Variants in KIF26A observed in about 807,000 individuals in gnomAD.
The protein encoded by KIF26A is kinesin family member 26A, also known as kinesin-like protein KIF26A.
A neutral mutation model predicts 126.0 loss-of-function variants in KIF26A; 74 were observed. The ratio of observed to expected loss-of-function variants is 0.59; its 90% CI spans 0.49 to 0.71. The LOEUF is 0.71. Ranked by LOEUF, KIF26A falls within the 30% of genes least tolerant of loss-of-function variation. The pLI is 0.00. For synonymous variants in KIF26A, 1,445 were observed against 1,232.7 expected, an observed-to-expected ratio of 1.17 and a Z score of -3.61; for missense variants, 2,984 against 2,763.3, an observed-to-expected ratio of 1.08 and a Z score of -1.79.
In KIF26A at chr14:104,179,251, A is replaced by C; in HGVS notation, c.5332A>C (p.Ser1778Arg). Reference sequence around the variant, plus strand: ...TGCCTCCCAGGGTCTGGCGTGCGTCAGTACAAGGCTGCGGCTGGCGGAGCG... The same window carrying C: ...TGCCTCCCAGGGTCTGGCGTGCGTCCGTACAAGGCTGCGGCTGGCGGAGCG... ...EAPTQGLACV[S>R]TRLRLAERRQ... is the part of the protein sequence containing the mutation. The change falls in exon 14 of 15, where the codon AGT (serine) becomes CGT (arginine). Residue 1778 changes from serine (S) to arginine (R), a missense_variant. Physicochemically the swap from Ser to Arg is moderately radical, Grantham distance 110. Transcript: ENST00000423312. 6.6e-7 allele frequency: 1 copy of C among 1,507,514 alleles called. No homozygotes were observed. The highest frequency in any genetic ancestry group is 8.8e-7 in the Non-Finnish European group (1 of 1,133,208). The allele number at this position is 1,507,514 out of a possible 1,614,324, so 93.4% of individuals were successfully genotyped here. A position where few individuals can be genotyped will look rare whatever the true frequency, so the allele number is the denominator to read the frequency against.
At chr14:104,140,260 A>G (rs925063741) in intron 2 of KIF26A, among the ~76,000 whole-genome samples, 1 of 152,014 alleles carries the variant, frequency 6.6e-6, no homozygotes, top group African/African-American at 2.4e-5. Context: ...GGCGAGGGAT[A>G]GGATTGCTGT....
At chr14:104,163,059 A>C (rs944289530) in intron 4 of KIF26A, among the ~76,000 whole-genome samples, 1 of 152,134 alleles carries the variant, frequency 6.6e-6, no homozygotes, top group African/African-American at 2.4e-5. Context: ...CCTTGCAGGC[A>C]GCTGGCGGGA....
chr14:104,157,688 C>T lies in KIF26A; in HGVS notation c.736-67C>T, dbSNP rs552460242. On this transcript the variant is annotated intron_variant, in intron 3 of 14. Coordinates refer to ENST00000423312, the MANE Select transcript of KIF26A (RefSeq NM_015656.2). ...GTGCCCAGGCCTGTCTCTCCCACTC[C>T]GGGTGCCAGGGGGCAGTGGTGTCTC... The T allele has an allele frequency of 6.1e-4, 919 of 1,510,756 alleles. 1 individual carries two copies. In the Middle Eastern group the frequency reaches 8.4e-3, roughly 14 times the overall value. 93.6% of individuals were successfully genotyped at this position (1,510,756 alleles called of 1,614,324 possible). A position where few individuals can be genotyped will look rare whatever the true frequency, so the allele number is the denominator to read the frequency against.
chr14:104,166,247 G>A (rs1340802442), intron 4 of KIF26A, among the ~76,000 whole-genome samples: 1 of 152,142 alleles, frequency 6.6e-6, no homozygotes, highest in Non-Finnish European at 1.5e-5. Flanking sequence ...AAGGGGCAAG[G>A]CAGCCTCACC....
At chr14:104,147,738 G>A (rs891680419) in intron 2 of KIF26A, among the ~76,000 whole-genome samples, 9 of 152,254 alleles carry the variant, frequency 5.9e-5, no homozygotes, top group African/African-American at 2.2e-4. Flanking sequence ...GGCTGCTCGG[G>A]GTTGCAGCCC....
chr14:104,178,805 C>T (rs544128660), intron 13 of KIF26A, 50 bp downstream of exon 13: 208 of 1,103,158 alleles, frequency 1.9e-4, no homozygotes, highest in South Asian at 9.7e-4. Context: ...GGGAGCCTGC[C>T]GCGGATGGCA....
chr14:104,160,716 T>C (rs765978580), intron 4 of KIF26A, among the ~76,000 whole-genome samples: 1 of 152,206 alleles, frequency 6.6e-6, no homozygotes, highest in Non-Finnish European at 1.5e-5. Flanking sequence ...GAGGCCCCGC[T>C]GGTTTGTGCC....
At chr14:104,141,853 C>A (rs1566853259) in intron 2 of KIF26A, among the ~76,000 whole-genome samples, 1 of 152,228 alleles carries the variant, frequency 6.6e-6, no homozygotes, top group Non-Finnish European at 1.5e-5. Flanking sequence ...TGAGCAGGTT[C>A]CCGAGAGTTC....
Position 104,176,866 on chromosome 14 carries a change from G to GC in KIF26A, c.4085dup (p.Ala1363GlyfsTer47), listed in dbSNP as rs776136395. The GC allele has an allele frequency of 9.1e-6, 14 of 1,540,112 alleles. No homozygotes were observed. Among genetic ancestry groups the GC allele is most frequent in the African/African-American group, 2.7e-5 (2 of 72,876 alleles). ...CTTCCTCCCGAGGCCCAGTGGGGCGGCCCCCCCGGCCCCACCCACGCGGAA... is the reference window on the plus strand; with the variant it reads ...CTTCCTCCCGAGGCCCAGTGGGGCGGCCCCCCCCGGCCCCACCCACGCGGAA... On this transcript the variant is annotated frameshift_variant, in exon 12 of 15. Transcript: ENST00000423312. LOFTEE classifies it high-confidence loss of function.
chr14:104,138,800 G>T, intron 1 of KIF26A, 36 bp downstream of exon 1: 5 of 1,259,290 alleles, frequency 4.0e-6, no homozygotes, highest in South Asian at 3.2e-5. Flanking sequence ...GAGGCGGGCG[G>T]CGGGGGCCCG....
chr14:104,165,422 T>G (rs1209687648), intron 4 of KIF26A, among the ~76,000 whole-genome samples: 1 of 149,090 alleles, frequency 6.7e-6, no homozygotes, highest in African/African-American at 2.6e-5. Flanking sequence ...TGTCTCTGTA[T>G]GCGTGTGTGT....
At position 104,180,220 on chromosome 14, in the gene KIF26A, A is replaced by G. The variant is rs1160637914; in HGVS notation, c.*430A>G. The G allele has an allele frequency of 6.2e-6, 1 of 161,494 alleles. No individual in the cohort carries two copies. The highest frequency in any genetic ancestry group is 2.4e-5 in the African/African-American group (1 of 41,694). The allele number at this position is 161,494 out of a possible 1,614,324, so 10.0% of individuals were successfully genotyped here. On this transcript the variant is annotated 3_prime_UTR_variant, in exon 15 of 15. Coordinates refer to ENST00000423312, the MANE Select transcript of KIF26A (RefSeq NM_015656.2). ...GGAGTGGGACTTACCTGCACGCCCC[A>G]GGGGTCTTTCAGGATTCAGGATGAC...
rs1287080997 is a variant in KIF26A at position 104,175,698 on chromosome 14, A to T, written c.2910A>T (p.Gly970=). 6.3e-7 allele frequency: 1 copy of T among 1,599,332 alleles called. No individual in the cohort carries two copies. Among genetic ancestry groups the T allele is most frequent in the Non-Finnish European group, 8.5e-7 (1 of 1,174,248 alleles). ...GCAGAGCCCCAGAAGAGCCTGGGGGAGGGGGCACTGATGGAGTGGCACGGA... is the reference window on the plus strand; with the variant it reads ...GCAGAGCCCCAGAAGAGCCTGGGGGTGGGGGCACTGATGGAGTGGCACGGA... ...EACRAPEEPG[G]GGTDGVARTP... is the part of the protein sequence containing the mutation. The change falls in exon 12 of 15, where the codon GGA becomes GGT. Residue 970 remains glycine, a synonymous_variant. Coordinates refer to ENST00000423312, the MANE Select transcript of KIF26A (RefSeq NM_015656.2).
intron 3 of KIF26A, among the ~76,000 whole-genome samples, chr14:104,155,063 G>A (rs2037763743): frequency 6.6e-6 from 1 of 152,186 alleles, no homozygotes; most frequent in Non-Finnish European, 1.5e-5. Context: ...GGGCGAGTCC[G>A]CCCCATGGGG....
chr14:104,150,123 G>GGTCCCCCTCCCC (rs1235054852), intron 2 of KIF26A, among the ~76,000 whole-genome samples: 1 of 102,948 alleles, frequency 9.7e-6, no homozygotes, highest in Non-Finnish European at 2.0e-5. Context: ...TCCCCCTCCT[G>GGTCCCCCTCCCC]GTCCCCCTCC....
Position 104,173,398 on chromosome 14 carries a change from G to A in KIF26A, c.1752G>A (p.Leu584=), listed in dbSNP as rs751106719. ...CGGCTTTCTACCTGGATGCGGCCCT[G>A]GCGGCCCGCAGCACCAGCCGAGCGG... ...EKAAFYLDAA[L]AARSTSRAGC... The change falls in exon 9 of 15, where the codon CTG becomes CTA. Residue 584 remains leucine, a synonymous_variant. Transcript: ENST00000423312. The A allele has an allele frequency of 1.3e-6, 2 of 1,584,344 alleles. No individual in the cohort carries two copies. The highest frequency in any genetic ancestry group is 2.3e-5 in the South Asian group (2 of 87,440).
Position 104,179,269 on chromosome 14 carries a change from G to A in KIF26A, c.5350G>A (p.Ala1784Thr), listed in dbSNP as rs1469640125. ...LACVSTRLRL[A>T]ERRQQRLREV... ...GTGCGTCAGTACAAGGCTGCGGCTG[G>A]CGGAGCGCAGGCAGCAGCGGCTGCG... The change falls in exon 14 of 15, where the codon GCG (alanine) becomes ACG (threonine). Residue 1784 changes from alanine to threonine, a missense_variant. By Grantham distance (58) the Ala-to-Thr change is moderately conservative. Transcript: ENST00000423312. 25 of 1,526,250 alleles carry A rather than the reference G, an allele frequency of 1.6e-5. No individual in the cohort carries two copies. In the Middle Eastern group the frequency reaches 8.3e-4, roughly 50 times the overall value. The allele number at this position is 1,526,250 out of a possible 1,614,324, so 94.5% of individuals were successfully genotyped here. A position where few individuals can be genotyped will look rare whatever the true frequency, so the allele number is the denominator to read the frequency against.
chr14:104,176,483 C>A lies in KIF26A; in HGVS notation c.3695C>A (p.Pro1232Gln). Residue 1232 changes from proline to glutamine, a missense_variant, in exon 12 of 15, where the codon CCA becomes CAA. Pro to Gln is a moderately conservative substitution (Grantham distance 76, BLOSUM62 -1). Coordinates refer to ENST00000423312, the MANE Select transcript of KIF26A (RefSeq NM_015656.2). ...GGCTGTGCTCGCCTGGGCCAGAGCCCACCTGGCCGTGGAGGCCTGTTTGAG... is the reference window on the plus strand; with the variant it reads ...GGCTGTGCTCGCCTGGGCCAGAGCCAACCTGGCCGTGGAGGCCTGTTTGAG... ...RVGCARLGQS[P>Q]PGRGGLFEDP... 6.2e-7 allele frequency: 1 copy of A among 1,606,458 alleles called. No homozygotes were observed. Among genetic ancestry groups the A allele is most frequent in the Non-Finnish European group, 8.5e-7 (1 of 1,179,588 alleles).
rs2037970011 is a variant in KIF26A at position 104,172,562 on chromosome 14, C to T, written c.1327-13C>T. 1 of 1,607,284 alleles carries T rather than the reference C, an allele frequency of 6.2e-7. No homozygotes were observed. Among genetic ancestry groups the T allele is most frequent in the Non-Finnish European group, 8.5e-7 (1 of 1,175,456 alleles). Reference sequence around the variant, plus strand: ...AGGGGCCACAGCCCTGCCTGATTCTCTTGCCCCCCTAGGCCGAAGTCTGCT... The same window carrying T: ...AGGGGCCACAGCCCTGCCTGATTCTTTTGCCCCCCTAGGCCGAAGTCTGCT... On this transcript the variant is annotated splice_polypyrimidine_tract_variant and intron_variant, in intron 6 of 14. Transcript: ENST00000423312.
Sources: allele counts gnomAD v4.1 joint callset (sites outside exome capture counted in the v4.1 genomes callset), GRCh38; gene constraint gnomAD v4.1.1; transcripts MANE v1.5; gene names NCBI Gene and HGNC (gene_info 2026-07-23, HGNC 2026-07-21).